EBF3: variants seen among roughly 807,000 people sequenced by gnomAD.
The protein encoded by EBF3 is transcription factor COE3.
Under a neutral mutation model 77.1 loss-of-function variants are expected in EBF3, and 18 were observed. That is an observed-to-expected ratio of 0.23 (90% CI 0.16 to 0.35). The LOEUF (loss-of-function observed/expected upper bound fraction) is 0.35, where lower values mean the gene tolerates loss of function less well. Ranked by LOEUF, EBF3 falls within the 10% of genes least tolerant of loss-of-function variation. The probability of loss-of-function intolerance (pLI) is 1.00; values close to 1 mark genes in which losing one functional copy is unlikely to be tolerated. For synonymous variants in EBF3, 350 were observed against 343.5 expected, an observed-to-expected ratio of 1.02 and a Z score of -0.21; for missense variants, 558 against 860.0, an observed-to-expected ratio of 0.65 and a Z score of 4.39.
chr10:129,954,991 A>C (rs1304212605), intron 6 of EBF3, among the ~76,000 whole-genome samples: 1 of 152,186 alleles, frequency 6.6e-6, no homozygotes, highest in Non-Finnish European at 1.5e-5. Flanking sequence ...CAGTCTAAAG[A>C]GATTGCCCTC....
rs534997694 is a variant in EBF3, at chr10:129,958,807, G to C, written c.485+127C>G. ...GCGGCCCGGCGCGCGGCCTCGGGCCGATTACATTTCAATCGATGCCCTTCC... is the reference window on the plus strand; with the variant it reads ...GCGGCCCGGCGCGCGGCCTCGGGCCCATTACATTTCAATCGATGCCCTTCC... On this transcript the variant is annotated intron_variant, in intron 5 of 16. Coordinates refer to ENST00000440978, the MANE Select transcript of EBF3 (RefSeq NM_001375380.1). The C allele has an allele frequency of 3.3e-3, 4,283 of 1,300,564 alleles. 39 individuals are homozygous for C. The highest frequency in any genetic ancestry group is 2.8e-3 in the South Asian group (170 of 60,798). 80.6% of individuals were successfully genotyped at this position (1,300,564 alleles called of 1,614,324 possible). A position where few individuals can be genotyped will look rare whatever the true frequency, so the allele number is the denominator to read the frequency against.
intron 10 of EBF3, among the ~76,000 whole-genome samples, chr10:129,859,913 T>C (rs953045270): frequency 1.6e-4 from 25 of 152,130 alleles, no homozygotes; most frequent in Admixed American, 1.3e-3. Context: ...GACAACAGAG[T>C]GATCTATTTC....
intron 6 of EBF3, among the ~76,000 whole-genome samples, chr10:129,954,355 C>T (rs527488897): frequency 5.3e-5 from 8 of 152,086 alleles, no homozygotes; most frequent in African/African-American, 1.7e-4. Context: ...AAACAGTTAA[C>T]ATAAGTGAAA....
intron 6 of EBF3, among the ~76,000 whole-genome samples, chr10:129,946,828 A>C (rs989826579): frequency 1.3e-5 from 2 of 152,216 alleles, no homozygotes; most frequent in African/African-American, 2.4e-5. Flanking sequence ...TTATTTGTTC[A>C]AGGTAATGAT....
rs1447106273 is a variant in EBF3, at chr10:129,842,029, G to A, written c.1372+87C>T. On this transcript the variant is annotated intron_variant, in intron 13 of 16. Transcript: ENST00000440978. This position sits in a 1 kb window ranked among gnomAD's most constrained non-coding sequence, Gnocchi z 4.4. ...GAACGCTACGGACATTCCCCAGCTG[G>A]CCCTGGACACGTGCCTCTTCAGCTA... The A allele has an allele frequency of 6.0e-5, 92 of 1,544,246 alleles. 1 individual carries two copies. Among genetic ancestry groups the A allele is most frequent in the South Asian group, 4.3e-4 (37 of 85,830 alleles).
In EBF3 at chr10:129,864,493, A is replaced by G. The variant is rs1851858469; in HGVS notation, c.1039+2648T>C. 6.6e-6 allele frequency among the ~76,000 whole-genome samples: 1 copy of G among 152,218 alleles called. No homozygotes were observed. Among genetic ancestry groups the G allele is most frequent in the South Asian group, 2.1e-4 (1 of 4,838 alleles). The stretch of plus-strand genomic sequence containing the variant: ...TTTCAGCAATCTTCTTTCTTAAAAA[A>G]GTCTCATTTCTAACAATAGCTGTGC... On this transcript the variant is annotated intron_variant, in intron 10 of 16. Transcript: ENST00000440978. The surrounding 1 kb of genome is among the most constrained non-coding windows in gnomAD (Gnocchi z 4.4).
intron 6 of EBF3, among the ~76,000 whole-genome samples, chr10:129,912,764 A>C (rs1215546367): frequency 6.6e-6 from 1 of 152,236 alleles, no homozygotes; most frequent in African/African-American, 2.4e-5. Context: ...AGAAATATCA[A>C]TATTTGAATA....
intron 16 of EBF3, 86 bp from the exon 17 acceptor site, chr10:129,838,046 C>T: frequency 1.3e-6 from 2 of 1,534,438 alleles, no homozygotes; most frequent in South Asian, 1.1e-5. Context: ...CTGCCCTTCC[C>T]CCCTATTCAA....
rs1853530449 is a variant in EBF3, at chr10:129,885,767, A to G, written c.555-7918T>C. 6.6e-6 allele frequency among the ~76,000 whole-genome samples: 1 copy of G among 152,114 alleles called. No homozygotes were observed. The highest frequency in any genetic ancestry group is 1.9e-4 in the East Asian group (1 of 5,186). ...GCTCTGATCACGAAGCTCCTTATTT[A>G]AGAAAAATGCCAGCATCACTTGGCT... On this transcript the variant is annotated intron_variant, in intron 6 of 16. Transcript: ENST00000440978. This position sits in a 1 kb window ranked among gnomAD's most constrained non-coding sequence, Gnocchi z 4.0.
rs1028580116 is a variant in EBF3 at position 129,943,270 on chromosome 10, C to G, written c.554+13988G>C. On this transcript the variant is annotated intron_variant, in intron 6 of 16. Transcript: ENST00000440978. The surrounding 1 kb of genome is among the most constrained non-coding windows in gnomAD (Gnocchi z 8.8). ...CAAACAAATAAACAGCAAATACTTACAGGAGACAGCCTTGTAGAACTGATT... is the reference window on the plus strand; with the variant it reads ...CAAACAAATAAACAGCAAATACTTAGAGGAGACAGCCTTGTAGAACTGATT... Among the ~76,000 whole-genome samples the G allele has an allele frequency of 1.3e-5, 2 of 152,224 alleles. No individual in the cohort carries two copies. Among genetic ancestry groups the G allele is most frequent in the African/African-American group, 4.8e-5 (2 of 41,470 alleles).
intron 10 of EBF3, among the ~76,000 whole-genome samples, chr10:129,849,140 C>T (rs1296428494): frequency 6.6e-6 from 1 of 152,254 alleles, no homozygotes; most frequent in Admixed American, 6.5e-5. Context: ...GGCACATGCG[C>T]TGTGTACAGT....
At position 129,963,257 on chromosome 10, in the gene EBF3, T is replaced by C; in HGVS notation, c.291+110A>G. The C allele has an allele frequency of 6.9e-7, 1 of 1,448,420 alleles. No individual in the cohort carries two copies. The allele number at this position is 1,448,420 out of a possible 1,614,324, so 89.7% of individuals were successfully genotyped here. ...CGCACGTGGCGGCGGCGGGGTGGCC[T>C]GGCGGAGCCGAGCCCGCCGCCTAGG... is the stretch of plus-strand genomic sequence containing the variant. On this transcript the variant is annotated intron_variant, in intron 2 of 16. Transcript: ENST00000440978. This position sits in a 1 kb window ranked among gnomAD's most constrained non-coding sequence, Gnocchi z 7.1.
In EBF3 at chr10:129,867,248, A is replaced by G; in HGVS notation, c.932T>C (p.Ile311Thr). The change falls in exon 10 of 17, where the codon ATC (isoleucine) becomes ACC (threonine). Residue 311 changes from isoleucine (I) to threonine (T), a missense_variant. Coordinates refer to ENST00000440978, the MANE Select transcript of EBF3 (RefSeq NM_001375380.1). Reference protein sequence around the residue: ...VWSELITPHAIRVQTPPRHIP... With the variant: ...VWSELITPHATRVQTPPRHIP... The stretch of plus-strand genomic sequence containing the variant: ...GTGCCTCGGCGGGGTCTGGACTCGG[A>G]TGGCATGGGGAGTTATCAGCTACAA... 6.2e-7 allele frequency: 1 copy of G among 1,614,074 alleles called. No individual in the cohort carries two copies. Among genetic ancestry groups the G allele is most frequent in the Non-Finnish European group, 8.5e-7 (1 of 1,180,004 alleles).
Position 129,842,303 on chromosome 10 carries a change from G to A in EBF3, c.1195-10C>T. 6.4e-6 allele frequency: 10 copies of A among 1,566,940 alleles called. No homozygotes were observed. Among genetic ancestry groups the A allele is most frequent in the Non-Finnish European group, 8.7e-6 (10 of 1,154,750 alleles). ...GCTTCAAGATGATCTCCTGCAGCAG[G>A]AGCAAGTGGGAGCCGGCCTGTCACC... On this transcript the variant is annotated splice_polypyrimidine_tract_variant and intron_variant, in intron 12 of 16. Coordinates refer to ENST00000440978, the MANE Select transcript of EBF3 (RefSeq NM_001375380.1). The surrounding 1 kb of genome is among the most constrained non-coding windows in gnomAD (Gnocchi z 4.4).
At chr10:129,959,573 G>A (rs1334151710) in intron 4 of EBF3, among the ~76,000 whole-genome samples, 2 of 152,028 alleles carry the variant, frequency 1.3e-5, no homozygotes. Flanking sequence ...CCCGGCTCTA[G>A]CAAGTCTGGC....
chr10:129,959,784 C>T (rs972302318), intron 4 of EBF3, among the ~76,000 whole-genome samples: 2 of 151,884 alleles, frequency 1.3e-5, no homozygotes, highest in African/African-American at 4.8e-5. Context: ...GCGGCGTCGC[C>T]AGCGCCCCGC....
chr10:129,898,068 G>A (rs1176560375), intron 6 of EBF3, among the ~76,000 whole-genome samples: 7 of 152,214 alleles, frequency 4.6e-5, no homozygotes, highest in African/African-American at 1.7e-4. Context: ...CTCCTGTTGG[G>A]CTCCCAGAGA....
At chr10:129,845,927 G>T (rs1403778923) in intron 11 of EBF3, 1 of 102,034 alleles carries the variant, frequency 9.8e-6, no homozygotes, top group Non-Finnish European at 1.8e-5. Flanking sequence ...TGTTTTTTCT[G>T]CTTTCATTTT....
chr10:129,920,656 G>A lies in EBF3; in HGVS notation c.554+36602C>T, dbSNP rs76833907. Among the ~76,000 whole-genome samples the A allele has an allele frequency of 6.2e-3, 944 of 152,336 alleles. 8 individuals are homozygous for A. Among genetic ancestry groups the A allele is most frequent in the African/African-American group, 0.019 (790 of 41,580 alleles). On this transcript the variant is annotated intron_variant, in intron 6 of 16. Coordinates refer to ENST00000440978, the MANE Select transcript of EBF3 (RefSeq NM_001375380.1). Reference sequence around the variant, plus strand: ...GACATGACTCCAGTGGTAAAACCCCGAAGAATCTTGGAAAGCCACGCTTTT... The same window carrying A: ...GACATGACTCCAGTGGTAAAACCCCAAAGAATCTTGGAAAGCCACGCTTTT...
Sources: gnomAD v4.1 joint callset for allele counts (sites outside exome capture counted in the v4.1 genomes callset) on GRCh38, gnomAD v4.1.1 for gene constraint, Gnocchi (gnomAD v3.1) non-coding constraint, MANE v1.5 for transcripts, NCBI Gene and HGNC (gene_info 2026-07-23, HGNC 2026-07-21) for gene names.